The following ZFPM2 variants were observed in gnomAD, a reference collection of about 807,000 sequenced individuals.
ZFPM2 encodes the protein zinc finger protein ZFPM2.
A neutral mutation model predicts 98.6 loss-of-function variants in ZFPM2; 20 were observed. The observed-to-expected ratio is 0.20, with a 90% confidence interval of 0.14 to 0.29. ZFPM2 has a LOEUF of 0.29. Among genes scored for constraint, ZFPM2 ranks in the 10% least tolerant of loss-of-function variants. The probability of loss-of-function intolerance (pLI) is 1.00; values close to 1 mark genes in which losing one functional copy is unlikely to be tolerated. For synonymous variants in ZFPM2, 518 were observed against 502.7 expected (o/e 1.03, Z -0.41); for missense variants, 1,310 against 1,388.6 (o/e 0.94, Z 0.90).
chr8:105,333,963 T>C (rs1424441728), intron 1 of ZFPM2, among the ~76,000 whole-genome samples: 1 of 151,790 alleles, frequency 6.6e-6, no homozygotes, highest in African/African-American at 2.4e-5. Context: ...GACTCTTTTT[T>C]CACTGTATGC....
At chr8:105,544,568 C>T (rs1814651750) in intron 3 of ZFPM2, among the ~76,000 whole-genome samples, 1 of 152,126 alleles carries the variant, frequency 6.6e-6, no homozygotes, top group African/African-American at 2.4e-5. Context: ...AAAGCTGAAA[C>T]TGAAAAGGTT....
chr8:105,454,380 A>G (rs146225575), intron 3 of ZFPM2, among the ~76,000 whole-genome samples: 2 of 152,316 alleles, frequency 1.3e-5, no homozygotes, highest in South Asian at 2.1e-4. Flanking sequence ...TACTGCCTAC[A>G]CATTGCTTGG....
At chr8:105,669,536 A>ATGTGTGTGTG (rs71305176) in intron 5 of ZFPM2, among the ~76,000 whole-genome samples, 7 of 139,058 alleles carry the variant, frequency 5.0e-5, no homozygotes, top group African/African-American at 1.9e-4. Context: ...GAAAGTGTGC[A>ATGTGTGTGTG]TGTGTGTGTG....
chr8:105,451,711 G>A (rs1812488493), intron 3 of ZFPM2: 1 of 152,136 alleles, frequency 6.6e-6, no homozygotes, highest in African/African-American at 2.4e-5. Context: ...GGGAACCATT[G>A]CCGTTGACAC....
chr8:105,582,978 CAACACCTGGTT>C (rs1252679516), intron 4 of ZFPM2, among the ~76,000 whole-genome samples: 4 of 152,128 alleles, frequency 2.6e-5, no homozygotes, highest in Non-Finnish European at 4.4e-5. Flanking sequence ...TTCTTGTTAG[CAACACCTGGTT>C]AATTTGTTAT....
intron 5 of ZFPM2, among the ~76,000 whole-genome samples, chr8:105,769,229 A>G (rs932739967): frequency 2.6e-5 from 4 of 152,112 alleles, no homozygotes; most frequent in African/African-American, 9.6e-5. Context: ...ATTATCTTAC[A>G]TTTATATGAA....
At chr8:105,732,517 A>T (rs1324947964) in intron 5 of ZFPM2, among the ~76,000 whole-genome samples, 1 of 151,824 alleles carries the variant, frequency 6.6e-6, no homozygotes, top group Non-Finnish European at 1.5e-5. Context: ...ATTCATTATT[A>T]ATAAACAGCC....
chr8:105,465,137 G>GA (rs557206483), intron 3 of ZFPM2, among the ~76,000 whole-genome samples: 155 of 148,128 alleles, frequency 1.0e-3, no homozygotes, highest in Middle Eastern at 3.5e-3. Context: ...AGGAAAACTG[G>GA]AAAAAAAAAA....
chr8:105,772,341 G>C (rs1457658331), intron 5 of ZFPM2, among the ~76,000 whole-genome samples: 1 of 152,088 alleles, frequency 6.6e-6, no homozygotes, highest in African/African-American at 2.4e-5. Context: ...GGATTTATAA[G>C]GATGCTCAGG....
intron 3 of ZFPM2, among the ~76,000 whole-genome samples, chr8:105,472,873 C>G (rs187314247): frequency 2.1e-5 from 3 of 145,902 alleles, no homozygotes; most frequent in East Asian, 2.0e-4. Context: ...TCTTTCCCCT[C>G]TTCTCCTAAA....
chr8:105,645,425 T>A (rs776426330), intron 5 of ZFPM2, among the ~76,000 whole-genome samples: 1 of 152,208 alleles, frequency 6.6e-6, no homozygotes, highest in African/African-American at 2.4e-5. Context: ...TGGGAAGGGA[T>A]ATGTCCTGTG....
chr8:105,667,872 A>G (rs140376610), intron 5 of ZFPM2, among the ~76,000 whole-genome samples: 6 of 152,318 alleles, frequency 3.9e-5, no homozygotes, highest in South Asian at 2.1e-4. Context: ...AAATACATAC[A>G]TATTTCTTAG....
intron 3 of ZFPM2, among the ~76,000 whole-genome samples, chr8:105,468,964 G>GT (rs769144598): frequency 0.076 from 11,023 of 144,192 alleles, 1,240 homozygotes; most frequent in African/African-American, 0.25. Context: ...ATACAAAGCA[G>GT]TTTTTTTTTT....
intron 3 of ZFPM2, among the ~76,000 whole-genome samples, chr8:105,511,708 G>C (rs921289976): frequency 1.3e-5 from 2 of 152,102 alleles, no homozygotes; most frequent in Non-Finnish European, 2.9e-5. Context: ...ATTTATTTTA[G>C]AGGAAAAAAG....
At chr8:105,635,321 A>G (rs1816825331) in intron 5 of ZFPM2, among the ~76,000 whole-genome samples, 1 of 152,152 alleles carries the variant, frequency 6.6e-6, no homozygotes, top group Non-Finnish European at 1.5e-5. Context: ...CATAACATCA[A>G]AGACTCTTAA....
chr8:105,633,901 A>G (rs367646345), intron 4 of ZFPM2, among the ~76,000 whole-genome samples: 1 of 152,172 alleles, frequency 6.6e-6, no homozygotes, highest in South Asian at 2.1e-4. Flanking sequence ...CAATGTGTCT[A>G]AAGTTCACTT....
intron 4 of ZFPM2, 145 bp downstream of exon 4, chr8:105,561,626 G>A: frequency 1.5e-6 from 1 of 667,290 alleles, no homozygotes; most frequent in South Asian, 2.0e-5. Flanking sequence ...GCAAAACTTG[G>A]ATACTTTTCA....
chr8:105,753,252 A>G (rs1057150541), intron 5 of ZFPM2, among the ~76,000 whole-genome samples: 19 of 152,148 alleles, frequency 1.2e-4, no homozygotes, highest in African/African-American at 4.1e-4. Flanking sequence ...CTTAAATTCT[A>G]ATGATGGATT....
intron 4 of ZFPM2, among the ~76,000 whole-genome samples, chr8:105,586,463 C>G (rs964487986): frequency 1.3e-5 from 2 of 152,002 alleles, no homozygotes; most frequent in Non-Finnish European, 2.9e-5. Context: ...CATTCTGTCG[C>G]CCAGGCTGGA....
Sources: allele counts gnomAD v4.1 joint callset (sites outside exome capture counted in the v4.1 genomes callset), GRCh38; gene constraint gnomAD v4.1.1; transcripts MANE v1.5; gene names NCBI Gene and HGNC (gene_info 2026-07-23, HGNC 2026-07-21).